The following ERICH1 variants were observed in gnomAD, a reference collection of about 807,000 sequenced individuals.
ERICH1 encodes glutamate rich 1, also known as glutamate-rich protein 1.
ERICH1 carries 56 observed loss-of-function variants against 39.6 expected under a neutral mutation model. The ratio of observed to expected loss-of-function variants is 1.41; its 90% CI spans 1.14 to 1.77. ERICH1 has a LOEUF of 1.77. Ranked by LOEUF, ERICH1 falls within the 40% of genes most tolerant of loss-of-function variation. The pLI is 0.00. For synonymous variants in ERICH1, 313 were observed against 223.6 expected (o/e 1.40, Z -3.57); for missense variants, 826 against 575.4 (o/e 1.44, Z -4.45).
At chr8:634,529 G>A (rs781653443) in intron 3 of ERICH1, among the ~76,000 whole-genome samples, 2 of 152,208 alleles carry the variant, frequency 1.3e-5, no homozygotes, top group Non-Finnish European at 2.9e-5. Flanking sequence ...GCTCAGGGCG[G>A]CCCCGTCGGG....
At chr8:660,721 G>A (rs916769170), downstream of ERICH1, among the ~76,000 whole-genome samples, 3 of 152,218 alleles carry the variant, frequency 2.0e-5, no homozygotes, top group African/African-American at 7.2e-5. Context: ...GCCCAAACTG[G>A]GAGGGAGCAA....
chr8:634,183 A>AACAAAC (rs1554481906), intron 3 of ERICH1, among the ~76,000 whole-genome samples: 9 of 135,846 alleles, frequency 6.6e-5, no homozygotes, highest in African/African-American at 8.7e-5. Flanking sequence ...AAAAAAAAAA[A>AACAAAC]AAACAAACAA....
intron 1 of ERICH1, among the ~76,000 whole-genome samples, chr8:724,063 A>C (rs1817978550): frequency 6.6e-6 from 1 of 152,228 alleles, no homozygotes; most frequent in South Asian, 2.1e-4. Context: ...AAAAAACAAA[A>C]AACAAGTGCT....
intron 1 of ERICH1, among the ~76,000 whole-genome samples, chr8:730,221 G>A (rs1200605142): frequency 6.6e-6 from 1 of 152,240 alleles, no homozygotes; most frequent in African/African-American, 2.4e-5. Context: ...TGGTCCTGAA[G>A]GAGAGGGGGA....
rs775376875 is a variant in ERICH1 at position 715,844 on chromosome 8, T to C, written c.169+17A>G. The C allele has an allele frequency of 9.9e-5, 159 of 1,602,272 alleles. No homozygotes were observed. The highest frequency in any genetic ancestry group is 3.3e-4 in the Middle Eastern group (2 of 6,002). ...CTTCAGTTTCTGAGACCCACCCACA[T>C]CTGCAGACAAACTCACCTGTCAAAG... On this transcript the variant is annotated intron_variant, in intron 2 of 5. Transcript: ENST00000262109.
At chr8:713,919 G>A (rs1161797200) in intron 2 of ERICH1, among the ~76,000 whole-genome samples, 1 of 151,968 alleles carries the variant, frequency 6.6e-6, no homozygotes, top group African/African-American at 2.4e-5. Context: ...GTTTACTGGG[G>A]AACCGAATGG....
chr8:637,167 G>A (rs528330775), intron 3 of ERICH1, among the ~76,000 whole-genome samples: 4 of 152,230 alleles, frequency 2.6e-5, no homozygotes, highest in East Asian at 3.9e-4. Flanking sequence ...CGGGGCTGTA[G>A]TTGTGTCAGC....
intron 2 of ERICH1, among the ~76,000 whole-genome samples, chr8:693,055 C>CG (rs1376119722): frequency 6.6e-6 from 1 of 152,108 alleles, no homozygotes; most frequent in African/African-American, 2.4e-5. Context: ...TACACTGTGG[C>CG]TGTGTGCACA....
chr8:633,218 C>A (rs1008340191), intron 3 of ERICH1, among the ~76,000 whole-genome samples: 2 of 152,224 alleles, frequency 1.3e-5, no homozygotes, highest in Non-Finnish European at 2.9e-5. Flanking sequence ...CCTGGCGACT[C>A]TGTTCTGAGG....
chr8:633,406 C>G (rs1478943062), intron 3 of ERICH1, among the ~76,000 whole-genome samples: 1 of 152,098 alleles, frequency 6.6e-6, no homozygotes, highest in African/African-American at 2.4e-5. Flanking sequence ...ATGGGTAAAT[C>G]TCAAAAACAC....
intron 2 of ERICH1, among the ~76,000 whole-genome samples, chr8:710,397 G>A (rs1814448703): frequency 6.6e-6 from 1 of 150,682 alleles, no homozygotes. Context: ...AGTCCTCTGG[G>A]CTCCACCTGC....
At chr8:685,669 C>T (rs892256522) in intron 3 of ERICH1, among the ~76,000 whole-genome samples, 2 of 152,182 alleles carry the variant, frequency 1.3e-5, no homozygotes, top group East Asian at 1.9e-4. Flanking sequence ...TTCTCTGTCA[C>T]GCCTTCAGCC....
chr8:639,283 C>G (rs1273531893), intron 3 of ERICH1, among the ~76,000 whole-genome samples: 1 of 152,218 alleles, frequency 6.6e-6, no homozygotes, highest in African/African-American at 2.4e-5. Context: ...TGTTCCCACT[C>G]ATCCCATCGC....
chr8:688,800 G>C (rs1044870767), intron 3 of ERICH1, among the ~76,000 whole-genome samples: 14 of 152,172 alleles, frequency 9.2e-5, no homozygotes, highest in Admixed American at 3.9e-4. Flanking sequence ...AAAGCAAAAA[G>C]GGTATCGATG....
intron 3 of ERICH1, chr8:627,088 TGG>T: frequency 2.2e-6 from 1 of 455,956 alleles, no homozygotes; most frequent in East Asian, 7.0e-5. Context: ...AGGACGGGGA[TGG>T]ACGTATCCCT....
At chr8:718,899 C>T (rs1389072261) in intron 1 of ERICH1, among the ~76,000 whole-genome samples, 2 of 152,286 alleles carry the variant, frequency 1.3e-5, no homozygotes, top group South Asian at 4.1e-4. Context: ...ATGTGTTGTG[C>T]GGTTTGTCAT....
At chr8:712,236 A>G (rs956450184) in intron 2 of ERICH1, among the ~76,000 whole-genome samples, 15 of 152,238 alleles carry the variant, frequency 9.9e-5, no homozygotes, top group African/African-American at 3.4e-4. Context: ...TCAAGTTAGG[A>G]AGAATGAGTA....
At chr8:656,315 G>T (rs1283910612) in intron 3 of ERICH1, among the ~76,000 whole-genome samples, 4 of 152,136 alleles carry the variant, frequency 2.6e-5, no homozygotes, top group Non-Finnish European at 5.9e-5. Flanking sequence ...TCACCTGTGG[G>T]GTAAGGTGAG....
At chr8:670,729 T>C (rs1212544779) in intron 4 of ERICH1, among the ~76,000 whole-genome samples, 2 of 152,198 alleles carry the variant, frequency 1.3e-5, no homozygotes, top group Non-Finnish European at 2.9e-5. Flanking sequence ...CCATGCAGTG[T>C]TGAGTTCTGT....
Sources: allele counts gnomAD v4.1 joint callset (sites outside exome capture counted in the v4.1 genomes callset), GRCh38; gene constraint gnomAD v4.1.1; transcripts MANE v1.5; gene names NCBI Gene and HGNC (gene_info 2026-07-23, HGNC 2026-07-21).